Variants in DOCK7 observed in about 807,000 individuals in gnomAD.
DOCK7 encodes the protein dedicator of cytokinesis 7, also known as dedicator of cytokinesis protein 7.
In DOCK7, 138 loss-of-function variants were observed where a neutral mutation model predicts 271.0. That is an observed-to-expected ratio of 0.51 (90% CI 0.44 to 0.59). DOCK7 has a LOEUF of 0.59. Ranked by LOEUF, DOCK7 falls within the 20% of genes least tolerant of loss-of-function variation. DOCK7 has a pLI of 0.00. For synonymous variants in DOCK7, 823 were observed against 876.1 expected, an observed-to-expected ratio of 0.94 and a Z score of 1.07; for missense variants, 2,066 against 2,592.4, an observed-to-expected ratio of 0.80 and a Z score of 4.41.
rs1054255892 is a variant in DOCK7 at position 62,596,171 on chromosome 1, T to C, written c.1683-9547A>G. 3.3e-5 allele frequency among the ~76,000 whole-genome samples: 5 copies of C among 151,130 alleles called. No individual in the cohort carries two copies. The South Asian group carries it at 1.0e-3, about 31-fold the overall frequency. ...TTGCCCAGCACTGTTCTAAGTGCTC[T>C]ACATGTATTATTGTTAAATTATCAT... On this transcript the variant is annotated intron_variant, in intron 14 of 49. Transcript: ENST00000635253.
intron 14 of DOCK7, among the ~76,000 whole-genome samples, chr1:62,591,104 T>C (rs908337926): frequency 3.9e-5 from 6 of 152,056 alleles, no homozygotes; most frequent in African/African-American, 1.4e-4. Flanking sequence ...AGCCCATCAA[T>C]GACAGACTGG....
In DOCK7 at chr1:62,495,613, C is replaced by T; in HGVS notation, c.4992G>A (p.Glu1664=). 6.3e-7 allele frequency: 1 copy of T among 1,589,244 alleles called. No homozygotes were observed. The highest frequency in any genetic ancestry group is 1.2e-5 in the South Asian group (1 of 85,558). Residue 1664 remains glutamate, a synonymous_variant, in exon 39 of 50, where the codon GAG becomes GAA. Coordinates refer to ENST00000635253, the MANE Select transcript of DOCK7 (RefSeq NM_001367561.1). The part of the protein sequence containing the change: ...SDTVKMKEHQ[E]DPEMLIDLMY... ...TTAGATCAATCAACATTTCAGGATC[C>T]TCCTGGTGTTCCTTCATTTTCACAG... is the stretch of plus-strand genomic sequence containing the variant.
intron 48 of DOCK7, among the ~76,000 whole-genome samples, chr1:62,470,777 C>T (rs1418993444): frequency 2.0e-5 from 3 of 152,002 alleles, no homozygotes; most frequent in East Asian, 1.9e-4. Context: ...GGCAACATAG[C>T]GAGACTCCGT....
intron 14 of DOCK7, chr1:62,602,139 C>T: frequency 1.4e-6 from 1 of 709,050 alleles, no homozygotes; most frequent in Non-Finnish European, 2.3e-6. Flanking sequence ...ACTTTTGGGA[C>T]CATAATAAAT....
chr1:62,505,752 C>G lies in DOCK7; in HGVS notation c.4541G>C (p.Ser1514Thr), dbSNP rs765686855. ...LGGVLKVLLHSMACNQSAVYL... is the reference protein window; with the variant it reads ...LGGVLKVLLHTMACNQSAVYL... ...AACTGCACTTTGGTTACAGGCCATG[C>G]TGTGTAGTAGCACTTTTAGCACTCC... The change falls in exon 36 of 50, where the codon AGC (serine) becomes ACC (threonine). Residue 1514 changes from serine to threonine, a missense_variant. Ser to Thr is a moderately conservative substitution (Grantham distance 58). Around this residue, in one of 2 missense-constraint regions of DOCK7, gnomAD observed 652 missense variants for 922.1 expected, o/e 0.71. Coordinates refer to ENST00000635253, the MANE Select transcript of DOCK7 (RefSeq NM_001367561.1). 4 of 1,613,616 alleles carry G rather than the reference C, an allele frequency of 2.5e-6. No individual in the cohort carries two copies. Among genetic ancestry groups the G allele is most frequent in the Non-Finnish European group, 3.4e-6 (4 of 1,179,760 alleles).
At chr1:62,563,860 A>T (rs1646417476) in intron 18 of DOCK7, among the ~76,000 whole-genome samples, 1 of 63,996 alleles carries the variant, frequency 1.6e-5, no homozygotes, top group African/African-American at 6.8e-5. Context: ...AATATTTACC[A>T]AGCAAAAAAA....
At chr1:62,492,884 G>C in intron 40 of DOCK7, 37 bp from the exon 41 acceptor site, 1 of 1,542,064 alleles carries the variant, frequency 6.5e-7, no homozygotes, top group Non-Finnish European at 8.9e-7. Flanking sequence ...TTTTGAAACA[G>C]AATTTTCTAG....
intron 43 of DOCK7, chr1:62,486,547 A>C (rs1470018986): frequency 1.3e-5 from 2 of 152,118 alleles, no homozygotes; most frequent in Admixed American, 6.5e-5. Flanking sequence ...AACGTTTAAA[A>C]TAATGGTAAT....
chr1:62,455,490 A>T lies in DOCK7; in HGVS notation c.6381-34T>A, dbSNP rs774913634. 13 of 1,605,910 alleles carry T rather than the reference A, an allele frequency of 8.1e-6. No individual in the cohort carries two copies. The South Asian group carries it at 1.4e-4, about 18-fold the overall frequency. On this transcript the variant is annotated intron_variant, in intron 49 of 49. Coordinates refer to ENST00000635253, the MANE Select transcript of DOCK7 (RefSeq NM_001367561.1). ...AAAATGAGAGGACATAGTTAGTTAA[A>T]GAGAACAATTTTTGCATATACCTTT...
chr1:62,583,099 A>G, intron 16 of DOCK7, 85 bp downstream of exon 16: 2 of 1,143,368 alleles, frequency 1.7e-6, no homozygotes, highest in South Asian at 1.5e-5. Context: ...TAGTGCAGCA[A>G]AGCATTTGGT....
At chr1:62,482,861 G>A (rs760752466) in intron 43 of DOCK7, 6 of 152,040 alleles carry the variant, frequency 3.9e-5, no homozygotes, top group Non-Finnish European at 7.4e-5. Flanking sequence ...ATAAAAATCA[G>A]GTTGGTGGCT....
intron 18 of DOCK7, among the ~76,000 whole-genome samples, chr1:62,573,803 G>C (rs1336203183): frequency 6.6e-6 from 1 of 151,824 alleles, no homozygotes; most frequent in East Asian, 1.9e-4. Flanking sequence ...GAAGAGACAG[G>C]TTCTTGTTCA....
intron 14 of DOCK7, among the ~76,000 whole-genome samples, chr1:62,617,120 A>T (rs1652535494): frequency 6.6e-6 from 1 of 151,732 alleles, no homozygotes; most frequent in Admixed American, 6.6e-5. Flanking sequence ...TGCAAAGAAA[A>T]TGTCCAGGAT....
intron 49 of DOCK7, 81 bp from the exon 50 acceptor site, chr1:62,455,537 C>T (rs1645323558): frequency 1.5e-6 from 2 of 1,342,354 alleles, no homozygotes; most frequent in Non-Finnish European, 2.1e-6. Flanking sequence ...ATGGTTTTTT[C>T]TGCCAGTTAC....
rs1047006616 is a variant in DOCK7 at position 62,630,056 on chromosome 1, A to G, written c.1282+1184T>C. ...AAATGCACCCGACAGCAGTAACTTAAGCAAGCCCTGAGAATGACCCTATGG... is the reference window on the plus strand; with the variant it reads ...AAATGCACCCGACAGCAGTAACTTAGGCAAGCCCTGAGAATGACCCTATGG... On this transcript the variant is annotated intron_variant, in intron 11 of 49. Transcript: ENST00000635253. Among the ~76,000 whole-genome samples, 17 of 152,346 alleles carry G rather than the reference A, an allele frequency of 1.1e-4. 1 individual carries two copies. The highest frequency in any genetic ancestry group is 3.8e-4 in the African/African-American group (16 of 41,572).
chr1:62,475,227 A>G lies in DOCK7; in HGVS notation c.6086T>C (p.Val2029Ala). Residue 2029 changes from valine to alanine, a missense_variant, in exon 47 of 50, where the codon GTA (valine) becomes GCA (alanine). Val to Ala is a moderately conservative substitution (Grantham distance 64). Coordinates refer to ENST00000635253, the MANE Select transcript of DOCK7 (RefSeq NM_001367561.1). Reference protein sequence around the residue: ...KMLQMVLQGSVGTTVNQGPLE... With the variant: ...KMLQMVLQGSAGTTVNQGPLE... Reference sequence around the variant, plus strand: ...ACTAACCTGATTCACTGTGGTGCCTACAGATCCCTGGAGTACCATCTGAAG... The same window carrying G: ...ACTAACCTGATTCACTGTGGTGCCTGCAGATCCCTGGAGTACCATCTGAAG... 6.2e-7 allele frequency: 1 copy of G among 1,613,852 alleles called. No homozygotes were observed. The highest frequency in any genetic ancestry group is 8.5e-7 in the Non-Finnish European group (1 of 1,179,880).
chr1:62,576,877 ATC>A (rs943416207), intron 18 of DOCK7, among the ~76,000 whole-genome samples: 1 of 152,224 alleles, frequency 6.6e-6, no homozygotes, highest in African/African-American at 2.4e-5. Context: ...ATTAATTTAA[ATC>A]TGTTTTCCTT....
chr1:62,559,988 T>C (rs1646270392), intron 19 of DOCK7, among the ~76,000 whole-genome samples: 4 of 152,224 alleles, frequency 2.6e-5, no homozygotes, highest in Admixed American at 2.0e-4. Context: ...GAGTCTGTAC[T>C]GAACTTCTGT....
intron 29 of DOCK7, among the ~76,000 whole-genome samples, chr1:62,530,178 C>T (rs1345129072): frequency 6.6e-6 from 1 of 152,220 alleles, no homozygotes; most frequent in East Asian, 1.9e-4. Flanking sequence ...ATCTCACTCT[C>T]TCTCCTTAAG....
Sources: allele counts gnomAD v4.1 joint callset (sites outside exome capture counted in the v4.1 genomes callset), GRCh38; gene constraint gnomAD v4.1.1; regional missense constraint gnomAD v4.1.1; transcripts MANE v1.5; gene names NCBI Gene and HGNC (gene_info 2026-07-23, HGNC 2026-07-21).